SAMD3: variants seen among roughly 807,000 people sequenced by gnomAD.
SAMD3 encodes sterile alpha motif domain containing 3, also known as sterile alpha motif domain-containing protein 3.
Under a neutral mutation model 58.5 loss-of-function variants are expected in SAMD3, and 63 were observed. That is an observed-to-expected ratio of 1.08 (90% CI 0.88 to 1.33). The LOEUF (loss-of-function observed/expected upper bound fraction) is 1.33, where lower values mean the gene tolerates loss of function less well. Among genes scored for constraint, SAMD3 ranks in the 40% most tolerant of loss-of-function variants. SAMD3 has a pLI of 0.00. For missense variants in SAMD3, 604 were observed against 608.4 expected, an observed-to-expected ratio of 0.99 and a Z score of 0.08; for synonymous variants, 220 against 210.3, an observed-to-expected ratio of 1.05 and a Z score of -0.40.
intron 1 of SAMD3, among the ~76,000 whole-genome samples, chr6:130,350,608 G>A (rs1289555183): frequency 1.3e-5 from 2 of 152,156 alleles, no homozygotes; most frequent in East Asian, 1.9e-4. Flanking sequence ...CCACGCTCAT[G>A]GGTAGGAAGA....
At chr6:130,200,557 C>A (rs1456708119) in intron 5 of SAMD3, among the ~76,000 whole-genome samples, 887 of 96,840 alleles carry the variant, frequency 9.2e-3, no homozygotes, top group East Asian at 0.016. Context: ...CCCCGACCCA[C>A]AAAAAAAAAA....
chr6:130,360,309 C>T (rs528907340), intron 1 of SAMD3, among the ~76,000 whole-genome samples: 8 of 152,248 alleles, frequency 5.3e-5, no homozygotes, highest in Admixed American at 3.3e-4. Flanking sequence ...GGGAACCTGC[C>T]CCAATAGTCA....
intron 1 of SAMD3, among the ~76,000 whole-genome samples, chr6:130,345,142 G>A (rs1777404998): frequency 6.6e-6 from 1 of 152,204 alleles, no homozygotes; most frequent in African/African-American, 2.4e-5. Flanking sequence ...GTGGAGTTGA[G>A]CTGAATTTTC....
At chr6:130,155,170 G>T in intron 8 of SAMD3, 145 bp from the exon 9 acceptor site, 2 of 596,408 alleles carry the variant, frequency 3.4e-6, no homozygotes, top group Admixed American at 6.1e-5. Flanking sequence ...ACTAATAAAT[G>T]GACAGTCTTT....
chr6:130,190,959 G>A (rs1404684011), intron 5 of SAMD3, among the ~76,000 whole-genome samples: 1 of 151,760 alleles, frequency 6.6e-6, no homozygotes, highest in Non-Finnish European at 1.5e-5. Context: ...AAACACCACT[G>A]GGAACCAATG....
intron 5 of SAMD3, among the ~76,000 whole-genome samples, chr6:130,196,959 C>G (rs1253091275): frequency 6.6e-6 from 1 of 152,142 alleles, no homozygotes; most frequent in Non-Finnish European, 1.5e-5. Context: ...TCAAATCAGC[C>G]AAGCAGTTTT....
intron 2 of SAMD3, among the ~76,000 whole-genome samples, chr6:130,304,480 T>C (rs1775849179): frequency 6.6e-6 from 1 of 152,198 alleles, no homozygotes; most frequent in Non-Finnish European, 1.5e-5. Flanking sequence ...TTTCCATAAA[T>C]GTATAGATTA....
chr6:130,246,004 A>C (rs1017705187), intron 2 of SAMD3, among the ~76,000 whole-genome samples: 1 of 152,184 alleles, frequency 6.6e-6, no homozygotes, highest in African/African-American at 2.4e-5. Context: ...GTTGCAGGGA[A>C]GCATAGATCA....
At chr6:130,242,519 G>A (rs1773395611) in intron 2 of SAMD3, among the ~76,000 whole-genome samples, 1 of 152,220 alleles carries the variant, frequency 6.6e-6, no homozygotes, top group African/African-American at 2.4e-5. Flanking sequence ...ATACATGTGA[G>A]AAGGGAAGTC....
chr6:130,277,380 G>A (rs1265177812), intron 2 of SAMD3, among the ~76,000 whole-genome samples: 1 of 152,254 alleles, frequency 6.6e-6, no homozygotes, highest in African/African-American at 2.4e-5. Context: ...CAGCCTGTAA[G>A]GCTAGAAGCA....
intron 1 of SAMD3, among the ~76,000 whole-genome samples, chr6:130,324,270 T>C (rs1308793702): frequency 1.3e-5 from 2 of 152,340 alleles, no homozygotes; most frequent in Non-Finnish European, 2.9e-5. Context: ...ACCCTCTTAT[T>C]TTCAGATTAG....
intron 5 of SAMD3, among the ~76,000 whole-genome samples, chr6:130,188,167 T>A (rs1233924517): frequency 6.6e-6 from 1 of 152,092 alleles, no homozygotes; most frequent in Non-Finnish European, 1.5e-5. Context: ...AGTGAAAAAA[T>A]ATCCAATTCT....
chr6:130,234,522 A>G (rs574829962), intron 2 of SAMD3, among the ~76,000 whole-genome samples: 1 of 152,226 alleles, frequency 6.6e-6, no homozygotes, highest in East Asian at 1.9e-4. Flanking sequence ...GTATATCTCT[A>G]TTTTCATAAA....
At chr6:130,184,277 A>G in intron 6 of SAMD3, 90 bp from the exon 7 acceptor site, 1 of 1,239,714 alleles carries the variant, frequency 8.1e-7, no homozygotes, top group Non-Finnish European at 1.1e-6. Flanking sequence ...ATTTTTCTTC[A>G]CATTTTTCTA....
At chr6:130,311,982 C>T (rs1776188536) in intron 2 of SAMD3, among the ~76,000 whole-genome samples, 1 of 152,076 alleles carries the variant, frequency 6.6e-6, no homozygotes, top group Admixed American at 6.6e-5. Flanking sequence ...TTGCTTCTCC[C>T]CCGCCCCCAC....
chr6:130,267,831 C>G (rs1448669003), intron 2 of SAMD3, among the ~76,000 whole-genome samples: 1 of 152,188 alleles, frequency 6.6e-6, no homozygotes, highest in Non-Finnish European at 1.5e-5. Flanking sequence ...TGATCACGAC[C>G]CTCTCACATG....
At chr6:130,206,859 A>C (rs1311620132) in intron 5 of SAMD3, among the ~76,000 whole-genome samples, 1 of 152,210 alleles carries the variant, frequency 6.6e-6, no homozygotes, top group East Asian at 1.9e-4. Flanking sequence ...TTGATGAGCC[A>C]TGTGAAAACA....
chr6:130,180,972 A>C (rs1292764165), intron 7 of SAMD3, among the ~76,000 whole-genome samples: 2 of 6,338 alleles, frequency 3.2e-4, no homozygotes, highest in Admixed American at 2.1e-3. Flanking sequence ...TTTGAGACGG[A>C]GTTCCGCTCT....
At chr6:130,297,041 C>A (rs1160031159) in intron 2 of SAMD3, among the ~76,000 whole-genome samples, 1 of 152,206 alleles carries the variant, frequency 6.6e-6, no homozygotes, top group Non-Finnish European at 1.5e-5. Context: ...GACAAGCCAG[C>A]TTTTACACTT....
Sources: gnomAD v4.1 joint callset for allele counts (sites outside exome capture counted in the v4.1 genomes callset) on GRCh38, gnomAD v4.1.1 for gene constraint, MANE v1.5 for transcripts, NCBI Gene and HGNC (gene_info 2026-07-23, HGNC 2026-07-21) for gene names.